Variants in SORBS2 observed in about 807,000 individuals in gnomAD.
SORBS2 encodes the protein sorbin and SH3 domain-containing protein 2.
SORBS2 carries 46 observed loss-of-function variants against 97.7 expected under a neutral mutation model. The ratio of observed to expected loss-of-function variants is 0.47; its 90% CI spans 0.37 to 0.60. SORBS2 has a LOEUF of 0.60. Among genes scored for constraint, SORBS2 ranks in the 20% least tolerant of loss-of-function variants. SORBS2 has a pLI of 0.00. For missense variants in SORBS2, 1,316 were observed against 1,282.3 expected (o/e 1.03, Z -0.40); for synonymous variants, 476 against 473.4 (o/e 1.01, Z -0.07).
chr4:185,806,435 TA>T (rs2099154414), intron 1 of SORBS2, among the ~76,000 whole-genome samples: 2 of 874 alleles, frequency 2.3e-3, no homozygotes, highest in African/African-American at 3.0e-3. Flanking sequence ...GCTAGAATCC[TA>T]TTTTTTTTTT....
intron 1 of SORBS2, among the ~76,000 whole-genome samples, chr4:185,866,231 G>A (rs1307864552): frequency 6.6e-6 from 1 of 152,184 alleles, no homozygotes; most frequent in Non-Finnish European, 1.5e-5. Context: ...GAGATTAAAT[G>A]TGCCAGTGTT....
At chr4:185,695,408 C>T (rs2098162031) in intron 2 of SORBS2, among the ~76,000 whole-genome samples, 3 of 152,118 alleles carry the variant, frequency 2.0e-5, no homozygotes, top group African/African-American at 7.2e-5. Flanking sequence ...CAATACATTG[C>T]TACTGTTATT....
chr4:185,740,868 A>G (rs181422003), intron 2 of SORBS2, among the ~76,000 whole-genome samples: 75 of 150,786 alleles, frequency 5.0e-4, no homozygotes, highest in African/African-American at 1.8e-3. Context: ...CACCAACTCG[A>G]ACCAGCACTA....
chr4:185,875,750 C>T (rs898637416), intron 1 of SORBS2, among the ~76,000 whole-genome samples: 13 of 152,210 alleles, frequency 8.5e-5, no homozygotes, highest in Non-Finnish European at 1.8e-4. Context: ...TCCATGCTTA[C>T]GTGCATATGT....
intron 1 of SORBS2, among the ~76,000 whole-genome samples, chr4:185,877,876 A>AAAAAAAAAAG (rs2099234502): frequency 6.8e-6 from 1 of 147,866 alleles, no homozygotes; most frequent in Non-Finnish European, 1.5e-5. Flanking sequence ...TCAAAAAACA[A>AAAAAAAAAAG]AAAAAAAAAA....
chr4:185,624,349 G>A (rs762892780), exon 7 of SORBS2: 8 of 1,614,178 alleles, frequency 5.0e-6, no homozygotes, highest in African/African-American at 1.3e-5. Flanking sequence ...TTTGCCAGCC[G>A]TTCTTGAAAC....
chr4:185,738,989 G>A (rs946650292), intron 2 of SORBS2, among the ~76,000 whole-genome samples: 1 of 152,218 alleles, frequency 6.6e-6, no homozygotes, highest in African/African-American at 2.4e-5. Context: ...GAGTTAGAAG[G>A]TTCAGCTGTC....
chr4:185,701,639 A>G (rs79315607), intron 2 of SORBS2, among the ~76,000 whole-genome samples: 5,340 of 152,278 alleles, frequency 0.035, 285 homozygotes, highest in African/African-American at 0.12. Flanking sequence ...TACATAGAAA[A>G]TGTTAACATG....
intron 1 of SORBS2, among the ~76,000 whole-genome samples, chr4:185,869,773 T>C (rs1415612441): frequency 1.3e-5 from 2 of 152,222 alleles, no homozygotes; most frequent in Non-Finnish European, 2.9e-5. Context: ...GACAAATCCA[T>C]GGAATTGGGA....
At chr4:185,797,296 T>C (rs1166139614) in intron 1 of SORBS2, among the ~76,000 whole-genome samples, 1 of 152,240 alleles carries the variant, frequency 6.6e-6, no homozygotes. Context: ...CCTTAGTTCA[T>C]GCCCAAGTTT....
At chr4:185,651,317 G>A (rs988425287) in intron 2 of SORBS2, among the ~76,000 whole-genome samples, 7 of 152,194 alleles carry the variant, frequency 4.6e-5, no homozygotes, top group African/African-American at 9.6e-5. Flanking sequence ...AAGTGGCCCC[G>A]CCAAGGGGGA....
intron 8 of SORBS2, 76 bp from the exon 21 acceptor site, chr4:185,618,707 A>G (rs951014199): frequency 7.1e-6 from 6 of 850,356 alleles, no homozygotes; most frequent in African/African-American, 1.7e-5. Flanking sequence ...ATGTGCCTTA[A>G]AGAAAAAGGA....
intron 1 of SORBS2, among the ~76,000 whole-genome samples, chr4:185,955,495 C>T (rs894478823): frequency 1.3e-5 from 2 of 152,150 alleles, no homozygotes; most frequent in South Asian, 2.1e-4. Context: ...CAGAAATAAA[C>T]GCTCCACAAA....
intron 2 of SORBS2, chr4:185,651,788 A>G: frequency 6.6e-7 from 1 of 1,506,574 alleles, no homozygotes; most frequent in Non-Finnish European, 9.2e-7. Flanking sequence ...TCCTACCTGC[A>G]TTGTATGTAT....
At chr4:185,926,068 T>A (rs928281592) in intron 1 of SORBS2, among the ~76,000 whole-genome samples, 1 of 152,050 alleles carries the variant, frequency 6.6e-6, no homozygotes, top group Non-Finnish European at 1.5e-5. Context: ...GACAGCGAGG[T>A]GGAGAGTAAG....
chr4:185,740,799 A>G (rs889699525), intron 2 of SORBS2, among the ~76,000 whole-genome samples: 3 of 152,018 alleles, frequency 2.0e-5, no homozygotes, highest in African/African-American at 7.2e-5. Context: ...CCCAGCACCA[A>G]CTCAGCCCAG....
At chr4:185,808,587 A>C (rs1317599351) in intron 1 of SORBS2, among the ~76,000 whole-genome samples, 1 of 152,188 alleles carries the variant, frequency 6.6e-6, no homozygotes, top group Non-Finnish European at 1.5e-5. Flanking sequence ...CTAAGAGAAT[A>C]TTCTCTCCCT....
At position 185,635,317 on chromosome 4, in the gene SORBS2, G is replaced by C. The variant is rs923249098; in HGVS notation, c.397-4719C>G. The C allele has an allele frequency of 3.5e-6, 5 of 1,435,376 alleles. No individual in the cohort carries two copies. In the East Asian group the frequency reaches 6.8e-5, roughly 20 times the overall value. 88.9% of individuals were successfully genotyped at this position (1,435,376 alleles called of 1,614,324 possible). On this transcript the variant is annotated intron_variant, in intron 4 of 14. Coordinates refer to ENST00000418609, the Ensembl canonical transcript of SORBS2. ...GCAGAATCACAGTCACAGCCTCTAA[G>C]GGAGATATCTGAAAAAGAGAGAATA...
At chr4:185,844,309 AT>A (rs1464248596) in intron 1 of SORBS2, among the ~76,000 whole-genome samples, 1 of 152,222 alleles carries the variant, frequency 6.6e-6, no homozygotes, top group Non-Finnish European at 1.5e-5. Context: ...TCAAAGAGAC[AT>A]TTCTCTAAAG....
Sources: allele counts gnomAD v4.1 joint callset (sites outside exome capture counted in the v4.1 genomes callset), GRCh38; gene constraint gnomAD v4.1.1; transcripts MANE v1.5; gene names NCBI Gene and HGNC (gene_info 2026-07-23, HGNC 2026-07-21).